Variants in FBXL20 observed in about 807,000 individuals in gnomAD.
FBXL20 encodes the protein F-box and leucine rich repeat protein 20, also known as F-box/LRR-repeat protein 20.
In FBXL20, 11 loss-of-function variants were observed where a neutral mutation model predicts 64.0. That is an observed-to-expected ratio of 0.17 (90% CI 0.11 to 0.28). The LOEUF is 0.28. Among genes scored for constraint, FBXL20 ranks in the 10% least tolerant of loss-of-function variants. FBXL20 has a pLI of 1.00. For missense variants in FBXL20, 303 were observed against 526.2 expected, an observed-to-expected ratio of 0.58 and a Z score of 4.15; for synonymous variants, 184 against 189.0, an observed-to-expected ratio of 0.97 and a Z score of 0.22.
intron 1 of FBXL20, among the ~76,000 whole-genome samples, chr17:39,359,056 A>T (rs569604338): frequency 6.6e-6 from 1 of 152,356 alleles, no homozygotes; most frequent in South Asian, 2.1e-4. Flanking sequence ...AAATCTGGCA[A>T]GGCGCAGTGG....
chr17:39,286,909 CTTT>C (rs35221372), intron 6 of FBXL20, among the ~76,000 whole-genome samples: 38 of 114,534 alleles, frequency 3.3e-4, no homozygotes, highest in African/African-American at 1.2e-3. Context: ...GTATCTATTT[CTTT>C]TTTTTTTTTT....
intron 1 of FBXL20, among the ~76,000 whole-genome samples, chr17:39,366,372 T>C (rs949028662): frequency 1.4e-4 from 21 of 152,358 alleles, no homozygotes; most frequent in African/African-American, 5.0e-4. Context: ...CATCAGATAC[T>C]GTTTTTCTCT....
At chr17:39,344,212 G>A (rs117900472) in intron 1 of FBXL20, among the ~76,000 whole-genome samples, 3,310 of 152,020 alleles carry the variant, frequency 0.022, 69 homozygotes, top group Non-Finnish European at 0.036. Context: ...TGAACCAGGC[G>A]TGGTGGTGTG....
At chr17:39,358,968 C>T (rs1340618390) in intron 1 of FBXL20, among the ~76,000 whole-genome samples, 1 of 152,148 alleles carries the variant, frequency 6.6e-6, no homozygotes, top group African/African-American at 2.4e-5. Context: ...CTAAACATCA[C>T]TAATCATTAG....
chr17:39,364,716 A>G (rs1319726164), intron 1 of FBXL20, among the ~76,000 whole-genome samples: 1 of 152,262 alleles, frequency 6.6e-6, no homozygotes, highest in Non-Finnish European at 1.5e-5. Flanking sequence ...TCCTGCAGCC[A>G]TCTAAGGAAG....
intron 1 of FBXL20, among the ~76,000 whole-genome samples, chr17:39,360,066 A>G (rs1305061102): frequency 6.6e-6 from 1 of 152,004 alleles, no homozygotes; most frequent in Non-Finnish European, 1.5e-5. Context: ...CATATATTAC[A>G]TATTATTTAG....
In FBXL20 at chr17:39,256,345, T is replaced by C. The variant is rs1356297232; in HGVS notation, c.*5115A>G. ...CAAAAAAAAAAAAAAAAAAAAGAAA[T>C]ATAGGCGAGGAAAGGCTGTGACTCC... On this transcript the variant is annotated 3_prime_UTR_variant, in exon 15 of 15. Transcript: ENST00000264658. 7.0e-6 allele frequency: 1 copy of C among 142,902 alleles called. No homozygotes were observed. Among genetic ancestry groups the C allele is most frequent in the East Asian group, 2.1e-4 (1 of 4,874 alleles). The allele number at this position is 142,902 out of a possible 1,614,324, so 8.9% of individuals were successfully genotyped here.
chr17:39,289,998 C>CAAAAAAAAAA lies in FBXL20; in HGVS notation c.399-4435_399-4426dup, dbSNP rs368530587. Among the ~76,000 whole-genome samples the CAAAAAAAAAA allele has an allele frequency of 1.4e-4, 6 of 41,878 alleles. 1 individual carries two copies. The highest frequency in any genetic ancestry group is 4.5e-4 in the African/African-American group (6 of 13,396). The allele number at this position is 41,878 out of a possible 152,430, so 27.5% of individuals were successfully genotyped here. On this transcript the variant is annotated intron_variant, in intron 6 of 14. Transcript: ENST00000264658. The stretch of plus-strand genomic sequence containing the variant: ...TGGGCAATAGTGCGAGACTCAGTCT[C>CAAAAAAAAAA]AAAAAAAAAAAAAAAAAAAAAAAAA...
chr17:39,383,896 T>C, intron 1 of FBXL20, among the ~76,000 whole-genome samples: 1 of 151,582 alleles, frequency 6.6e-6, no homozygotes, highest in East Asian at 1.9e-4. Flanking sequence ...GGCTACTTTG[T>C]TATGTTTTAA....
chr17:39,265,271 C>G (rs1433076211), intron 13 of FBXL20, 126 bp downstream of exon 13: 1 of 664,042 alleles, frequency 1.5e-6, no homozygotes, highest in Admixed American at 2.9e-5. Flanking sequence ...TCTCAGTAAG[C>G]TGGCAGTTTG....
intron 1 of FBXL20, among the ~76,000 whole-genome samples, chr17:39,356,714 G>A (rs2047744557): frequency 6.6e-6 from 1 of 151,846 alleles, no homozygotes; most frequent in Admixed American, 6.6e-5. Context: ...GGAGTGCAGT[G>A]GTGCAATCAC....
chr17:39,309,622 G>A (rs976692794), intron 2 of FBXL20, among the ~76,000 whole-genome samples: 20 of 151,792 alleles, frequency 1.3e-4, no homozygotes, highest in Admixed American at 1.1e-3. Context: ...GGCCAATATG[G>A]CGAAACCCCG....
intron 1 of FBXL20, among the ~76,000 whole-genome samples, chr17:39,368,820 T>A (rs2047887023): frequency 6.6e-6 from 1 of 152,042 alleles, no homozygotes; most frequent in African/African-American, 2.4e-5. Flanking sequence ...CACACCGGGC[T>A]AATTTTTTGT....
At chr17:39,301,734 A>G (rs573453685) in intron 3 of FBXL20, among the ~76,000 whole-genome samples, 3 of 151,786 alleles carry the variant, frequency 2.0e-5, no homozygotes, top group South Asian at 2.1e-4. Context: ...TCTGGGGGGG[A>G]AAAATTAAAA....
chr17:39,373,941 G>T (rs2047941185), intron 1 of FBXL20, among the ~76,000 whole-genome samples: 2 of 152,144 alleles, frequency 1.3e-5, no homozygotes, highest in Non-Finnish European at 2.9e-5. Flanking sequence ...CTAGATTATG[G>T]CCGGACACGG....
intron 1 of FBXL20, among the ~76,000 whole-genome samples, chr17:39,378,878 T>C (rs914431619): frequency 1.1e-4 from 16 of 150,942 alleles, no homozygotes; most frequent in Non-Finnish European, 2.2e-4. Flanking sequence ...CTCAAAGTGC[T>C]GGGATTACAG....
intron 1 of FBXL20, among the ~76,000 whole-genome samples, chr17:39,390,562 T>TA (rs568332066): frequency 0.016 from 2,077 of 133,912 alleles, 34 homozygotes; most frequent in African/African-American, 0.038. Context: ...GACTCCATCT[T>TA]AAAAAAAAAA....
chr17:39,284,492 T>G lies in FBXL20; in HGVS notation c.494+986A>C, dbSNP rs999887384. Reference sequence around the variant, plus strand: ...ACCTGCTGGGCTCAAGTGATCCTCCTGCTTCAGTCCCCTGAGCAGCTGGGA... The same window carrying G: ...ACCTGCTGGGCTCAAGTGATCCTCCGGCTTCAGTCCCCTGAGCAGCTGGGA... On this transcript the variant is annotated intron_variant, in intron 7 of 14. Coordinates refer to ENST00000264658, the MANE Select transcript of FBXL20 (RefSeq NM_032875.3). Among the ~76,000 whole-genome samples the G allele has an allele frequency of 3.3e-5, 5 of 152,290 alleles. No individual in the cohort carries two copies. In the South Asian group the frequency reaches 1.0e-3, roughly 32 times the overall value.
chr17:39,263,728 A>G (rs765239132), intron 14 of FBXL20: 49 of 161,388 alleles, frequency 3.0e-4, no homozygotes, highest in Non-Finnish European at 5.1e-4. Context: ...GTCTATGTCT[A>G]CTTTACTTGT....
Sources: allele counts gnomAD v4.1 joint callset (sites outside exome capture counted in the v4.1 genomes callset), GRCh38; gene constraint gnomAD v4.1.1; transcripts MANE v1.5; gene names NCBI Gene and HGNC (gene_info 2026-07-23, HGNC 2026-07-21).